Variants in STAT6 observed in about 807,000 individuals in gnomAD.
STAT6 encodes STAT, interleukin4-induced.
In STAT6, 45 loss-of-function variants were observed where a neutral mutation model predicts 106.3. The ratio of observed to expected loss-of-function variants is 0.42; its 90% CI spans 0.33 to 0.54. The LOEUF is 0.54. Among genes scored for constraint, STAT6 ranks in the 20% least tolerant of loss-of-function variants. The probability of loss-of-function intolerance (pLI) is 0.06; values close to 1 mark genes in which losing one functional copy is unlikely to be tolerated. For missense variants in STAT6, 797 were observed against 1,062.2 expected (o/e 0.75, Z 3.47); for synonymous variants, 413 against 413.6 (o/e 1.00, Z 0.02).
In STAT6 at chr12:57,109,467, T is replaced by C. The variant is rs558258088; in HGVS notation, c.-21-1168A>G. Among the ~76,000 whole-genome samples, 8 of 152,302 alleles carry C rather than the reference T, an allele frequency of 5.3e-5. No individual in the cohort carries two copies. In the East Asian group the frequency reaches 1.5e-3, roughly 29 times the overall value. On this transcript the variant is annotated intron_variant, in intron 1 of 21. Transcript: ENST00000300134. ...GTAAGTGAGTTTGGAAAGCAGGCTT[T>C]GAATCTGAGTGGGGATTAACCATCG...
At chr12:57,109,062 C>T (rs1038159663) in intron 1 of STAT6, among the ~76,000 whole-genome samples, 45 of 152,146 alleles carry the variant, frequency 3.0e-4, no homozygotes, top group African/African-American at 9.9e-4. Context: ...ATTAGCAGGG[C>T]GTGGTGGCGA....
intron 13 of STAT6, chr12:57,100,814 A>G (rs990011000): frequency 6.7e-6 from 3 of 448,580 alleles, no homozygotes; most frequent in African/African-American, 6.0e-5. Context: ...AGAGTCAGAA[A>G]TATGTGGTTC....
rs751048706 is a variant in STAT6, at chr12:57,105,241, G to T, written c.911C>A (p.Ala304Asp). The change falls in exon 9 of 22, where the codon GCC (alanine) becomes GAC (aspartate). Residue 304 changes from alanine to aspartate, a missense_variant. This residue lies in a region of STAT6 where 336 missense variants were observed against 429.8 expected (regional missense o/e 0.78). Coordinates refer to ENST00000300134, the MANE Select transcript of STAT6 (RefSeq NM_003153.5). ...CCTGACCAGCGGAGGCTTGGCTGGG[G>T]CCCCCAGGAACCTCAAGCCCAACAG... ...RFLLGLRFLG[A>D]PAKPPLVRAD... 8 of 1,614,060 alleles carry T rather than the reference G, an allele frequency of 5.0e-6. No homozygotes were observed. The East Asian group carries it at 1.8e-4, about 36-fold the overall frequency.
At chr12:57,101,505 C>T (rs2033930730) in intron 13 of STAT6, among the ~76,000 whole-genome samples, 1 of 150,550 alleles carries the variant, frequency 6.6e-6, no homozygotes, top group Non-Finnish European at 1.5e-5. Flanking sequence ...GCTGGGATTA[C>T]AGACGCAAAC....
rs745938816 is a variant in STAT6 at position 57,107,721 on chromosome 12, C to T, written c.139G>A (p.Ala47Thr). Residue 47 changes from alanine to threonine, a missense_variant, in exon 3 of 22, where the codon GCC becomes ACC. By Grantham distance (58) the Ala-to-Thr change is moderately conservative (BLOSUM62 0). Transcript: ENST00000300134. Reference sequence around the variant, plus strand: ...GCACTAGCCAAGTTGCAGCAGAAGGCGTCGGAGCCGACCAGGAACTCCCTG... The same window carrying T: ...GCACTAGCCAAGTTGCAGCAGAAGGTGTCGGAGCCGACCAGGAACTCCCTG... ...QPWEFLVGSD[A>T]FCCNLASALL... 9.3e-6 allele frequency: 15 copies of T among 1,614,026 alleles called. No homozygotes were observed. In the East Asian group the frequency reaches 1.6e-4, roughly 17 times the overall value.
chr12:57,105,654 C>G, intron 7 of STAT6, 55 bp from the exon 8 acceptor site: 1 of 1,584,732 alleles, frequency 6.3e-7, no homozygotes, highest in East Asian at 2.3e-5. Context: ...TGCTCCGGCC[C>G]AGACCCCCTT....
intron 6 of STAT6, 51 bp downstream of exon 6, chr12:57,106,477 C>A: frequency 6.2e-7 from 1 of 1,611,288 alleles, no homozygotes; most frequent in Non-Finnish European, 8.5e-7. Context: ...TAGCTTCCAT[C>A]CCTCCAGCTG....
intron 3 of STAT6, 36 bp downstream of exon 3, chr12:57,107,569 C>T (rs1312495253): frequency 6.2e-7 from 1 of 1,605,308 alleles, no homozygotes; most frequent in South Asian, 1.1e-5. Context: ...TCAACCTCAG[C>T]CCCACCCAGC....
Position 57,107,586 on chromosome 12 carries a change from C to T in STAT6, c.255+19G>A. The T allele has an allele frequency of 3.1e-6, 5 of 1,612,284 alleles. No individual in the cohort carries two copies. Among genetic ancestry groups the T allele is most frequent in the East Asian group, 4.5e-5 (2 of 44,854 alleles). On this transcript the variant is annotated intron_variant, in intron 3 of 21. Coordinates refer to ENST00000300134, the MANE Select transcript of STAT6 (RefSeq NM_003153.5). ...AACCTCAGCCCCACCCAGCCTTGTC[C>T]CCTCCCCTCCTGCCCCACCTCAAGG...
intron 1 of STAT6, among the ~76,000 whole-genome samples, chr12:57,109,202 AAAATAAATAAAT>A (rs1214922278): frequency 2.0e-5 from 3 of 152,098 alleles, no homozygotes; most frequent in African/African-American, 7.2e-5. Flanking sequence ...ACTCTGCCTC[AAAATAAATAAAT>A]AAATAAATGA....
At chr12:57,098,978 C>G (rs748154102) in intron 17 of STAT6, 37 bp downstream of exon 17, 1 of 1,613,844 alleles carries the variant, frequency 6.2e-7, no homozygotes, top group Non-Finnish European at 8.5e-7. Context: ...AAGCACTAAG[C>G]CCCTGACCTA....
chr12:57,110,587 G>A (rs1196103308), intron 1 of STAT6: 2 of 152,248 alleles, frequency 1.3e-5, no homozygotes, highest in African/African-American at 2.4e-5. Flanking sequence ...TCAGCACGAG[G>A]AGGGTTAACT....
intron 19 of STAT6, among the ~76,000 whole-genome samples, chr12:57,097,492 C>G (rs1428259659): frequency 3.3e-5 from 5 of 152,012 alleles, no homozygotes; most frequent in African/African-American, 7.3e-5. Context: ...ATTTCAAGGC[C>G]AAAACAGATG....
chr12:57,100,845 C>A, intron 13 of STAT6: 1 of 455,718 alleles, frequency 2.2e-6, no homozygotes, highest in South Asian at 1.6e-5. Context: ...ATGGCACTCA[C>A]CTGCTTTGGG....
Position 57,104,479 on chromosome 12 carries a change from G to T in STAT6, c.1197C>A (p.Leu399=), listed in dbSNP as rs1408339324. ...CACGGTTCACCTGGAGCTGGATGGGGAGTTTGCCGGGGCCAAGTGTGAAGC... is the reference window on the plus strand; with the variant it reads ...CACGGTTCACCTGGAGCTGGATGGGTAGTTTGCCGGGGCCAAGTGTGAAGC... ...SASFTLGPGK[L]PIQLQALSLP... The change falls in exon 11 of 22, where the codon CTC becomes CTA. Residue 399 remains leucine (L), a synonymous_variant. Transcript: ENST00000300134. 4 of 1,609,462 alleles carry T rather than the reference G, an allele frequency of 2.5e-6. No homozygotes were observed. The highest frequency in any genetic ancestry group is 3.4e-6 in the Non-Finnish European group (4 of 1,178,314).
chr12:57,102,803 C>T (rs2034020055), intron 12 of STAT6, 26 bp downstream of exon 12: 2 of 1,590,624 alleles, frequency 1.3e-6, no homozygotes, highest in African/African-American at 1.3e-5. Flanking sequence ...TGCCCCTGTT[C>T]CCTCCAACTC....
In STAT6 at chr12:57,096,091, C is replaced by G. The variant is rs777809701; in HGVS notation, c.*481G>C. ...GGTCCCTTGAGCTGCTTCCCATTCC[C>G]CTAGGGCTGAGACCCAATATCCTCT... is the stretch of plus-strand genomic sequence containing the variant. On this transcript the variant is annotated 3_prime_UTR_variant, in exon 22 of 22. Transcript: ENST00000300134. The G allele has an allele frequency of 5.1e-5, 8 of 156,212 alleles. No individual in the cohort carries two copies. The highest frequency in any genetic ancestry group is 1.1e-4 in the Non-Finnish European group (8 of 70,820). The allele number at this position is 156,212 out of a possible 1,614,324, so 9.7% of individuals were successfully genotyped here.
At position 57,107,664 on chromosome 12, in the gene STAT6, C is replaced by G. The variant is rs755870689; in HGVS notation, c.196G>C (p.Ala66Pro). ...LLSDTVQHLQ[A>P]SVGEQGEGST... ...CCCTCCCCCTGCTCTCCCACCGAGG[C>G]CTGAAGGTGCTGGACAGTGTCTGAA... The change falls in exon 3 of 22, where the codon GCC becomes CCC. Residue 66 changes from alanine to proline, a missense_variant. Around this residue, in one of 4 missense-constraint regions of STAT6, gnomAD observed 336 missense variants for 429.8 expected, o/e 0.78. Transcript: ENST00000300134. 4 of 1,614,112 alleles carry G rather than the reference C, an allele frequency of 2.5e-6. 1 individual carries two copies. The highest frequency in any genetic ancestry group is 3.4e-6 in the Non-Finnish European group (4 of 1,180,016).
Position 57,098,516 on chromosome 12 carries a change from TGAC to T in STAT6, c.2145_2147del (p.Ser716del). On this transcript the variant is annotated inframe_deletion, in exon 19 of 22. Coordinates refer to ENST00000300134, the MANE Select transcript of STAT6 (RefSeq NM_003153.5). ...GGTTTTTCACTTACTCCTGGAAGGC[TGAC>T]AACACGTTGACTGATTCTTCTGGGG... 1 of 1,614,208 alleles carries T rather than the reference TGAC, an allele frequency of 6.2e-7. No homozygotes were observed. The highest frequency in any genetic ancestry group is 8.5e-7 in the Non-Finnish European group (1 of 1,180,034).
Sources: allele counts gnomAD v4.1 joint callset (sites outside exome capture counted in the v4.1 genomes callset), GRCh38; gene constraint gnomAD v4.1.1; regional missense constraint gnomAD v4.1.1; transcripts MANE v1.5; gene names NCBI Gene and HGNC (gene_info 2026-07-23, HGNC 2026-07-21).